Variants in ERICH6 observed in about 807,000 individuals in gnomAD.
ERICH6 encodes the protein glutamate-rich protein 6.
In ERICH6, 71 loss-of-function variants were observed where a neutral mutation model predicts 71.0. The observed-to-expected ratio is 1.00, with a 90% CI of 0.83 to 1.22. The LOEUF is 1.22. Among genes scored for constraint, ERICH6 ranks in the 50% most tolerant of loss-of-function variants. The probability of loss-of-function intolerance (pLI) is 0.00; values close to 1 mark genes in which losing one functional copy is unlikely to be tolerated. For synonymous variants in ERICH6, 262 were observed against 278.4 expected, an observed-to-expected ratio of 0.94 and a Z score of 0.59; for missense variants, 808 against 797.2, an observed-to-expected ratio of 1.01 and a Z score of -0.16.
chr3:150,690,347 C>T (rs1301604138), intron 3 of ERICH6, among the ~76,000 whole-genome samples: 1 of 151,696 alleles, frequency 6.6e-6, no homozygotes, highest in East Asian at 1.9e-4. Flanking sequence ...GTCTATTTAG[C>T]TGAAAACTGC....
intron 12 of ERICH6, among the ~76,000 whole-genome samples, chr3:150,668,359 G>A (rs1214114961): frequency 1.3e-5 from 2 of 152,120 alleles, no homozygotes; most frequent in East Asian, 1.9e-4. Flanking sequence ...AGGGTGCCTC[G>A]GAGTTCAGTT....
intron 3 of ERICH6, among the ~76,000 whole-genome samples, chr3:150,696,934 G>A (rs963201413): frequency 7.2e-5 from 11 of 152,138 alleles, no homozygotes; most frequent in Admixed American, 2.6e-4. Context: ...AGCAATACTC[G>A]GTGTGTACAC....
Position 150,703,788 on chromosome 3 carries a change from CTCCTCCTCCACCTCT to C in ERICH6, c.96_110del (p.Val34_Glu38del), listed in dbSNP as rs1713058510. On this transcript the variant is annotated inframe_deletion, in exon 1 of 14. Transcript: ENST00000295910. ...CCTCCTCCTCCTCCACCTCTTCCTCCTCCTCCTCCACCTCTTCCTCCTCCTCCTCCTCCTCTAACT... is the reference window on the plus strand; with the variant it reads ...CCTCCTCCTCCTCCACCTCTTCCTCCTCCTCCTCCTCCTCCTCCTCTAACT... 1 of 1,607,322 alleles carries C rather than the reference CTCCTCCTCCACCTCT, an allele frequency of 6.2e-7. No homozygotes were observed. Among genetic ancestry groups the C allele is most frequent in the Non-Finnish European group, 8.5e-7 (1 of 1,177,138 alleles).
chr3:150,694,334 A>C (rs1482128546), intron 3 of ERICH6, among the ~76,000 whole-genome samples: 3 of 152,212 alleles, frequency 2.0e-5, no homozygotes, highest in Non-Finnish European at 4.4e-5. Context: ...AATGAAAAAT[A>C]AAAACTCAGG....
At chr3:150,700,241 ATTT>A (rs34624356) in intron 2 of ERICH6, among the ~76,000 whole-genome samples, 1,115 of 110,938 alleles carry the variant, frequency 0.01, 7 homozygotes, top group African/African-American at 0.026. Flanking sequence ...TGCCCGGCTA[ATTT>A]TTTTTTTTTT....
chr3:150,680,854 G>C lies in ERICH6; in HGVS notation c.959C>G (p.Ala320Gly), dbSNP rs1293200658. ...ATGAGGGTCAATAGCAATTAATTCA[G>C]CTTTAGGGGGTTTGGTTTTTATTTG... ...EEQIKTKPPK[A>G]ELIAIDPHAA... Residue 320 changes from alanine to glycine, a missense_variant, in exon 8 of 14, where the codon GCT becomes GGT. Ala to Gly is a moderately conservative substitution (Grantham distance 60, BLOSUM62 0). Transcript: ENST00000295910. The C allele has an allele frequency of 7.4e-6, 12 of 1,614,002 alleles. No individual in the cohort carries two copies. Among genetic ancestry groups the C allele is most frequent in the Admixed American group, 3.3e-5 (2 of 59,982 alleles).
At chr3:150,675,264 A>G (rs892869910) in intron 10 of ERICH6, among the ~76,000 whole-genome samples, 3 of 152,170 alleles carry the variant, frequency 2.0e-5, no homozygotes, top group Admixed American at 1.3e-4. Flanking sequence ...TTGTAATGCT[A>G]TATCTTACTG....
intron 3 of ERICH6, among the ~76,000 whole-genome samples, chr3:150,689,628 A>G (rs1712341995): frequency 6.6e-6 from 1 of 152,078 alleles, no homozygotes; most frequent in African/African-American, 2.4e-5. Context: ...AAAGGCCTTC[A>G]TGTTATCTTT....
chr3:150,702,236 A>ACC lies in ERICH6; in HGVS notation c.404-60_404-59dup, dbSNP rs145625576. The stretch of plus-strand genomic sequence containing the variant: ...CCCTCTAAATCAAAAGGTCAATTCT[A>ACC]CCCCCCCCAGGAACACATGGCAATG... On this transcript the variant is annotated intron_variant, in intron 1 of 13. Coordinates refer to ENST00000295910, the MANE Select transcript of ERICH6 (RefSeq NM_152394.5). The ACC allele has an allele frequency of 5.9e-5, 40 of 681,850 alleles. No individual in the cohort carries two copies. The African/African-American group carries it at 8.0e-4, about 14-fold the overall frequency. The allele number at this position is 681,850 out of a possible 1,614,324, so 42.2% of individuals were successfully genotyped here. A position where few individuals can be genotyped will look rare whatever the true frequency, so the allele number is the denominator to read the frequency against.
chr3:150,680,772 C>A lies in ERICH6; in HGVS notation c.1040+1G>T. On this transcript the variant is annotated splice_donor_variant, in intron 8 of 13. Transcript: ENST00000295910. LOFTEE classifies it high-confidence loss of function. ...TTTCAGTATCGAAGTCTCAATGTTA[C>A]CTTTGCAGGGCTTTTTCTTTTGCCT... 3.8e-6 allele frequency: 6 copies of A among 1,599,640 alleles called. No individual in the cohort carries two copies. The highest frequency in any genetic ancestry group is 5.1e-6 in the Non-Finnish European group (6 of 1,176,108).
chr3:150,669,496 C>G (rs189980450), intron 11 of ERICH6, 45 bp from the exon 12 acceptor site: 388 of 1,587,056 alleles, frequency 2.4e-4, no homozygotes, highest in Middle Eastern at 3.3e-4. Flanking sequence ...TGCTCCTTGA[C>G]TATTCTGGGA....
In ERICH6 at chr3:150,659,983, A is replaced by C. The variant is rs1419283283; in HGVS notation, c.1901T>G (p.Leu634Arg). ...ACAAAGGGCAATTAGTTTTAGAGAA[A>C]GTGAAGAAAGGTAGGAAGGTTGCTT... Reference protein sequence around the residue: ...KLKQPSYLSSLSLKLIALCHS... With the variant: ...KLKQPSYLSSRSLKLIALCHS... The change falls in exon 14 of 14, where the codon CTT (leucine) becomes CGT (arginine). Residue 634 changes from leucine (L) to arginine (R), a missense_variant. Transcript: ENST00000295910. The C allele has an allele frequency of 4.3e-6, 7 of 1,614,092 alleles. No individual in the cohort carries two copies. Among genetic ancestry groups the C allele is most frequent in the Middle Eastern group, 1.6e-4 (1 of 6,082 alleles).
Position 150,680,468 on chromosome 3 carries a change from C to G in ERICH6, c.1111G>C (p.Asp371His). Residue 371 changes from aspartate (D) to histidine (H), a missense_variant and splice_region_variant, in exon 9 of 14, where the codon GAT becomes CAT. Asp to His is a moderately conservative substitution (Grantham distance 81). Coordinates refer to ENST00000295910, the MANE Select transcript of ERICH6 (RefSeq NM_152394.5). The stretch of plus-strand genomic sequence containing the variant: ...ATAAGATCAGCACTAATGAACTCAC[C>G]ATCTTCAGAGAAATGAGTCTGTTCC... ...SREQTHFSED[D>H]SKRLKTISYQ... 2 of 1,614,052 alleles carry G rather than the reference C, an allele frequency of 1.2e-6. No individual in the cohort carries two copies. Among genetic ancestry groups the G allele is most frequent in the Non-Finnish European group, 1.7e-6 (2 of 1,179,934 alleles).
At chr3:150,691,748 T>TTATATACAGAA (rs1205601977) in intron 3 of ERICH6, among the ~76,000 whole-genome samples, 2 of 152,270 alleles carry the variant, frequency 1.3e-5, no homozygotes, top group African/African-American at 2.4e-5. Flanking sequence ...TTATTACATC[T>TTATATACAGAA]GTGTATCCTT....
chr3:150,683,442 G>T (rs2108062295), intron 6 of ERICH6, among the ~76,000 whole-genome samples: 1 of 152,250 alleles, frequency 6.6e-6, no homozygotes, highest in East Asian at 1.9e-4. Context: ...CCTCAGCTAG[G>T]GGTGAAGCAA....
intron 3 of ERICH6, among the ~76,000 whole-genome samples, chr3:150,695,641 C>T (rs554294544): frequency 1.3e-5 from 2 of 152,228 alleles, no homozygotes; most frequent in Admixed American, 6.5e-5. Context: ...CCACTCCAGC[C>T]TGGCGACAGA....
chr3:150,697,402 T>G (rs1362400640), intron 3 of ERICH6, among the ~76,000 whole-genome samples: 1 of 152,238 alleles, frequency 6.6e-6, no homozygotes, highest in Non-Finnish European at 1.5e-5. Flanking sequence ...AAAATGGGAC[T>G]GTGGAGTATG....
In ERICH6 at chr3:150,690,285, A is replaced by G. The variant is rs189970473; in HGVS notation, c.554-3931T>C. Among the ~76,000 whole-genome samples the G allele has an allele frequency of 1.6e-3, 237 of 152,152 alleles. 2 individuals are homozygous for G. The highest frequency in any genetic ancestry group is 9.0e-4 in the Non-Finnish European group (61 of 68,020). ...TTTCTCTCCACACGTTATGATATACATTTTGCTATTTGATTTTCACCTGAG... is the reference window on the plus strand; with the variant it reads ...TTTCTCTCCACACGTTATGATATACGTTTTGCTATTTGATTTTCACCTGAG... On this transcript the variant is annotated intron_variant, in intron 3 of 13. Coordinates refer to ENST00000295910, the MANE Select transcript of ERICH6 (RefSeq NM_152394.5).
At chr3:150,677,591 G>T (rs769192181) in intron 10 of ERICH6, among the ~76,000 whole-genome samples, 13 of 151,922 alleles carry the variant, frequency 8.6e-5, no homozygotes, top group Non-Finnish European at 1.3e-4. Flanking sequence ...CCACCCCCAG[G>T]CTCAAGGGAT....
Sources: allele counts gnomAD v4.1 joint callset (sites outside exome capture counted in the v4.1 genomes callset), GRCh38; gene constraint gnomAD v4.1.1; transcripts MANE v1.5; gene names NCBI Gene and HGNC (gene_info 2026-07-23, HGNC 2026-07-21).